ELK4: variants seen among roughly 807,000 people sequenced by gnomAD.
ELK4 encodes the protein ETS transcription factor ELK4.
A neutral mutation model predicts 29.6 loss-of-function variants in ELK4; 16 were observed. That is an observed-to-expected ratio of 0.54 (90% CI 0.37 to 0.82). The LOEUF (loss-of-function observed/expected upper bound fraction) is 0.82, where lower values mean the gene tolerates loss of function less well. Ranked by LOEUF, ELK4 falls within the 40% of genes least tolerant of loss-of-function variation. The pLI is 0.00. For missense variants in ELK4, 465 were observed against 507.1 expected (o/e 0.92, Z 0.80); for synonymous variants, 213 against 191.1 (o/e 1.11, Z -0.95).
intron 1 of ELK4, among the ~76,000 whole-genome samples, chr1:205,627,798 T>C (rs1670496205): frequency 6.6e-6 from 1 of 152,236 alleles, no homozygotes; most frequent in African/African-American, 2.4e-5. Flanking sequence ...TTTCTATAAC[T>C]TTTCTGAAAC....
intron 1 of ELK4, chr1:205,625,444 TC>T: frequency 1.7e-6 from 1 of 579,992 alleles, no homozygotes; most frequent in Non-Finnish European, 3.2e-6. Context: ...TCCCCCAGGT[TC>T]CTTCAGCCCA....
At chr1:205,626,521 C>T (rs2102384781) in intron 1 of ELK4, among the ~76,000 whole-genome samples, 1 of 151,842 alleles carries the variant, frequency 6.6e-6, no homozygotes, top group East Asian at 1.9e-4. Context: ...TTGGAAGGGA[C>T]TGAAATTGCA....
At chr1:205,622,228 A>G (rs1571501361) in intron 2 of ELK4, among the ~76,000 whole-genome samples, 1 of 152,156 alleles carries the variant, frequency 6.6e-6, no homozygotes, top group African/African-American at 2.4e-5. Context: ...AAACAAACAA[A>G]AAAAAGTGAA....
Position 205,620,063 on chromosome 1 carries a change from G to A in ELK4, c.983C>T (p.Ala328Val). Residue 328 changes from alanine (A) to valine (V), a missense_variant, in exon 3 of 5, where the codon GCA becomes GTA. Ala to Val is a moderately conservative substitution (Grantham distance 64, BLOSUM62 0). Around this residue, in one of 2 missense-constraint regions of ELK4, gnomAD observed 385 missense variants for 387.5 expected, o/e 0.99. Coordinates refer to ENST00000357992, the MANE Select transcript of ELK4 (RefSeq NM_001973.4). ...RSKKPKGLEL[A>V]PTLVITSSDP... ...ACTGCTCGTGATCACAAGGGTGGGT[G>A]CCAGTTCTAACCCTTTGGGTTTCTT... 6.2e-7 allele frequency: 1 copy of A among 1,614,238 alleles called. No homozygotes were observed. Among genetic ancestry groups the A allele is most frequent in the Non-Finnish European group, 8.5e-7 (1 of 1,180,042 alleles).
intron 3 of ELK4, chr1:205,619,613 T>C: frequency 7.7e-7 from 1 of 1,297,588 alleles, no homozygotes; most frequent in Non-Finnish European, 9.7e-7. Context: ...TCTCAGGACC[T>C]ACTGTTTTCT....
chr1:205,631,908 G>C lies in ELK4; in HGVS notation c.-286C>G, dbSNP rs1223195928. 1 of 150,476 alleles carries C rather than the reference G, an allele frequency of 6.6e-6. No homozygotes were observed. Among genetic ancestry groups the C allele is most frequent in the Non-Finnish European group, 1.5e-5 (1 of 67,488 alleles). The allele number at this position is 150,476 out of a possible 1,614,324, so 9.3% of individuals were successfully genotyped here. A position where few individuals can be genotyped will look rare whatever the true frequency, so the allele number is the denominator to read the frequency against. ...CTTGGGGCCGCTACACGCCGGGCGC[G>C]CGCGTTCGGGGCGTTCCTTGCAGCG... On this transcript the variant is annotated 5_prime_UTR_variant, in exon 1 of 5. Transcript: ENST00000357992.
chr1:205,619,678 G>A (rs559550022), intron 3 of ELK4: 4 of 1,395,994 alleles, frequency 2.9e-6, no homozygotes, highest in East Asian at 2.6e-5. Context: ...TTATAAGACC[G>A]AGAGAGAGCG....
Position 205,624,302 on chromosome 1 carries a change from GC to G in ELK4, c.-9-412del, listed in dbSNP as rs1452976732. 2.0e-4 allele frequency among the ~76,000 whole-genome samples: 30 copies of G among 152,306 alleles called. No individual in the cohort carries two copies. The East Asian group carries it at 5.8e-3, about 29-fold the overall frequency. ...TAAATTTGAATCCTAAAATCTCATT[GC>G]TGTATTCTCTCAGGAGACCACCATT... is the stretch of plus-strand genomic sequence containing the variant. On this transcript the variant is annotated intron_variant, in intron 1 of 4. Transcript: ENST00000357992.
In ELK4 at chr1:205,619,948, A is replaced by T; in HGVS notation, c.1080+18T>A. The T allele has an allele frequency of 1.2e-6, 2 of 1,614,244 alleles. No individual in the cohort carries two copies. The highest frequency in any genetic ancestry group is 1.7e-6 in the Non-Finnish European group (2 of 1,180,048). On this transcript the variant is annotated intron_variant, in intron 3 of 4. Coordinates refer to ENST00000357992, the MANE Select transcript of ELK4 (RefSeq NM_001973.4). Reference sequence around the variant, plus strand: ...TAAATGAAAGCAATGGTGACACCATAAAGAGCGAGCAAGCTACCTGTGAAA... The same window carrying T: ...TAAATGAAAGCAATGGTGACACCATTAAGAGCGAGCAAGCTACCTGTGAAA...
At chr1:205,618,676 A>G (rs1670275584) in intron 4 of ELK4, among the ~76,000 whole-genome samples, 1 of 152,078 alleles carries the variant, frequency 6.6e-6, no homozygotes, top group African/African-American at 2.4e-5. Context: ...CACAAAAATC[A>G]ACCAGACGTG....
At position 205,616,654 on chromosome 1, in the gene ELK4, A is replaced by C. The variant is rs765285344; in HGVS notation, c.1198-10T>G. The C allele has an allele frequency of 6.2e-7, 1 of 1,608,904 alleles. No individual in the cohort carries two copies. Among genetic ancestry groups the C allele is most frequent in the East Asian group, 2.2e-5 (1 of 44,756 alleles). ...TCAGTACAGAAGGAAACTGAGAAAG[A>C]AAACAAAACACATTATCATCCTATT... On this transcript the variant is annotated splice_polypyrimidine_tract_variant and intron_variant, in intron 4 of 4. Coordinates refer to ENST00000357992, the MANE Select transcript of ELK4 (RefSeq NM_001973.4).
At chr1:205,626,338 C>G (rs1670461184) in intron 1 of ELK4, among the ~76,000 whole-genome samples, 1 of 152,188 alleles carries the variant, frequency 6.6e-6, no homozygotes, top group Admixed American at 6.5e-5. Context: ...TCGTACCTCT[C>G]CTTTCTCCTT....
Position 205,614,893 on chromosome 1 carries a change from C to G in ELK4, c.*1653G>C. ...AATGGTGACAACATATAATTTAATC[C>G]TGGACTTTAATTTTCAAAAGACTCC... On this transcript the variant is annotated 3_prime_UTR_variant, in exon 5 of 5. Coordinates refer to ENST00000357992, the MANE Select transcript of ELK4 (RefSeq NM_001973.4). The G allele has an allele frequency of 4.5e-6, 1 of 221,554 alleles. No individual in the cohort carries two copies. Among genetic ancestry groups the G allele is most frequent in the Non-Finnish European group, 9.0e-6 (1 of 110,814 alleles). 13.7% of individuals were successfully genotyped at this position (221,554 alleles called of 1,614,324 possible).
At position 205,608,410 on chromosome 1, in the gene ELK4, A is replaced by G. The variant is rs1268568505; in HGVS notation, c.*8136T>C. On this transcript the variant is annotated 3_prime_UTR_variant, in exon 5 of 5. Transcript: ENST00000357992. ...AGAATTCAAGACTCTAGCTACAATC[A>G]TCCTAATCAATCTTAGAGCAATATC... 1 of 200,600 alleles carries G rather than the reference A, an allele frequency of 5.0e-6. No homozygotes were observed. Among genetic ancestry groups the G allele is most frequent in the Non-Finnish European group, 1.0e-5 (1 of 97,322 alleles). The allele number at this position is 200,600 out of a possible 1,614,324, so 12.4% of individuals were successfully genotyped here.
chr1:205,623,277 A>G (rs1670386344), intron 2 of ELK4, among the ~76,000 whole-genome samples: 1 of 151,806 alleles, frequency 6.6e-6, no homozygotes, highest in South Asian at 2.1e-4. Context: ...AAACTAGGAA[A>G]TTGGTATCTA....
At chr1:205,619,853 T>C (rs1571498477) in intron 3 of ELK4, 113 bp downstream of exon 3, 1 of 1,611,768 alleles carries the variant, frequency 6.2e-7, no homozygotes, top group Non-Finnish European at 8.5e-7. Flanking sequence ...ACATAACCTT[T>C]CTAAGACAAA....
chr1:205,622,964 C>T (rs1464163409), intron 2 of ELK4, among the ~76,000 whole-genome samples: 1 of 151,828 alleles, frequency 6.6e-6, no homozygotes, highest in Non-Finnish European at 1.5e-5. Context: ...ATGGTGAAAC[C>T]CCACCTCTAC....
At chr1:205,628,600 A>G (rs1670510416) in intron 1 of ELK4, among the ~76,000 whole-genome samples, 1 of 152,226 alleles carries the variant, frequency 6.6e-6, no homozygotes, top group African/African-American at 2.4e-5. Context: ...CAGCCCTACA[A>G]GTTTAAAGCC....
At position 205,608,481 on chromosome 1, in the gene ELK4, T is replaced by C. The variant is rs547696431; in HGVS notation, c.*8065A>G. The C allele has an allele frequency of 3.5e-4, 69 of 199,650 alleles. No homozygotes were observed. The highest frequency in any genetic ancestry group is 2.3e-3 in the South Asian group (12 of 5,240). 12.4% of individuals were successfully genotyped at this position (199,650 alleles called of 1,614,324 possible). ...AGTCAGACTGCTTAGCTAGGAGATG[T>C]GGCAGCTTCCCTCCAGCTGTTTCAT... On this transcript the variant is annotated 3_prime_UTR_variant, in exon 5 of 5. Coordinates refer to ENST00000357992, the MANE Select transcript of ELK4 (RefSeq NM_001973.4).
Sources: gnomAD v4.1 joint callset for allele counts (sites outside exome capture counted in the v4.1 genomes callset) on GRCh38, gnomAD v4.1.1 for gene constraint, gnomAD v4.1.1 regional missense constraint, MANE v1.5 for transcripts, NCBI Gene and HGNC (gene_info 2026-07-23, HGNC 2026-07-21) for gene names.